The following GRIP1 variants were observed in gnomAD, a reference collection of about 807,000 sequenced individuals.
GRIP1 encodes glutamate receptor-interacting protein 1.
A neutral mutation model predicts 129.9 loss-of-function variants in GRIP1; 45 were observed. The observed-to-expected ratio is 0.35, with a 90% confidence interval of 0.27 to 0.44. GRIP1 has a LOEUF of 0.44. Ranked by LOEUF, GRIP1 falls within the 20% of genes least tolerant of loss-of-function variation. GRIP1 has a pLI of 1.00. For synonymous variants in GRIP1, 530 were observed against 520.8 expected (o/e 1.02, Z -0.24); for missense variants, 1,196 against 1,396.8 (o/e 0.86, Z 2.29).
chr12:66,549,499 C>T (rs563740579), intron 2 of GRIP1, among the ~76,000 whole-genome samples: 1 of 152,236 alleles, frequency 6.6e-6, no homozygotes, highest in Admixed American at 6.5e-5. Flanking sequence ...GGTGGTGCCA[C>T]TAGGAAGTTT....
rs750518554 is a variant in GRIP1 at position 66,371,689 on chromosome 12, C to T, written c.3012+5G>A. The T allele has an allele frequency of 1.1e-5, 18 of 1,587,738 alleles. No individual in the cohort carries two copies. In the Admixed American group the frequency reaches 2.0e-4, roughly 18 times the overall value. ...CCCTAGGGAAAGAAGAGAAAGCTTA[C>T]TGACCTTGTGCAGCTCCACAGGAGT... is the stretch of plus-strand genomic sequence containing the variant. On this transcript the variant is annotated splice_donor_5th_base_variant and intron_variant, in intron 23 of 24. Coordinates refer to ENST00000359742, the MANE Select transcript of GRIP1 (RefSeq NM_001366722.1).
At chr12:66,831,787 A>G (rs548632481) in intron 1 of GRIP1, among the ~76,000 whole-genome samples, 2 of 152,300 alleles carry the variant, frequency 1.3e-5, no homozygotes, top group East Asian at 3.9e-4. Context: ...TTTCTAAGTT[A>G]CTTAATCTCC....
At position 66,444,608 on chromosome 12, in the gene GRIP1, G is replaced by C; in HGVS notation, c.1663C>G (p.Leu555Val). The C allele has an allele frequency of 6.2e-7, 1 of 1,613,700 alleles. No individual in the cohort carries two copies. Among genetic ancestry groups the C allele is most frequent in the Non-Finnish European group, 8.5e-7 (1 of 1,179,944 alleles). The change falls in exon 13 of 25, where the codon CTG (leucine) becomes GTG (valine). Residue 555 changes from leucine to valine, a missense_variant. Coordinates refer to ENST00000359742, the MANE Select transcript of GRIP1 (RefSeq NM_001366722.1). ...CCTGCAACATCAAACTCGATTTCCAGTGTGACCTTGCTCGTGATTGAAGAG... is the reference window on the plus strand; with the variant it reads ...CCTGCAACATCAAACTCGATTTCCACTGTGACCTTGCTCGTGATTGAAGAG... ...RDSSITSKVT[L>V]EIEFDVAESV...
At chr12:66,998,686 T>C (rs2042505313) in intron 1 of GRIP1, among the ~76,000 whole-genome samples, 1 of 152,184 alleles carries the variant, frequency 6.6e-6, no homozygotes, top group Non-Finnish European at 1.5e-5. Context: ...GGAATCTATC[T>C]GCATCAGATC....
At chr12:66,854,785 CTT>C (rs533300127) in intron 1 of GRIP1, among the ~76,000 whole-genome samples, 2 of 152,052 alleles carry the variant, frequency 1.3e-5, no homozygotes, top group African/African-American at 4.8e-5. Flanking sequence ...CATGGATGCT[CTT>C]ATAAATTAAG....
intron 1 of GRIP1, among the ~76,000 whole-genome samples, chr12:66,629,791 C>A (rs1460530917): frequency 6.6e-6 from 1 of 152,146 alleles, no homozygotes; most frequent in Non-Finnish European, 1.5e-5. Flanking sequence ...AGAATACTAA[C>A]CCATTCATCT....
At chr12:66,527,376 G>A (rs963795648) in intron 5 of GRIP1, among the ~76,000 whole-genome samples, 2 of 152,032 alleles carry the variant, frequency 1.3e-5, no homozygotes, top group African/African-American at 4.8e-5. Flanking sequence ...GTCCTTTATA[G>A]GGACATGGAT....
intron 1 of GRIP1, among the ~76,000 whole-genome samples, chr12:66,761,650 T>C (rs17102879): frequency 0.013 from 1,992 of 152,306 alleles, 52 homozygotes; most frequent in African/African-American, 0.046. Context: ...TATTTCATAT[T>C]GACCTGTGCC....
At position 66,406,419 on chromosome 12, in the gene GRIP1, G is replaced by A. The variant is rs1378588910; in HGVS notation, c.1848C>T (p.Thr616=). 1.9e-6 allele frequency: 3 copies of A among 1,613,950 alleles called. No homozygotes were observed. In the East Asian group the frequency reaches 6.7e-5, roughly 36 times the overall value. ...CGAGCAATTTATCCCCAAGTTCCAGGGTCCCAGTTCTGTTAGTGAATGCAA... is the reference window on the plus strand; with the variant it reads ...CGAGCAATTTATCCCCAAGTTCCAGAGTCCCAGTTCTGTTAGTGAATGCAA... ...KKGSVAHRTG[T]LELGDKLLAI... The change falls in exon 16 of 25, where the codon ACC becomes ACT. Residue 616 remains threonine (T), a synonymous_variant. Coordinates refer to ENST00000359742, the MANE Select transcript of GRIP1 (RefSeq NM_001366722.1).
intron 1 of GRIP1, among the ~76,000 whole-genome samples, chr12:66,661,616 C>T (rs1323695849): frequency 6.6e-6 from 1 of 152,070 alleles, no homozygotes; most frequent in East Asian, 1.9e-4. Context: ...CACCATGTAA[C>T]ACATATCTTA....
intron 1 of GRIP1, among the ~76,000 whole-genome samples, chr12:66,886,106 A>G (rs189375333): frequency 5.3e-5 from 8 of 152,216 alleles, no homozygotes; most frequent in African/African-American, 1.4e-4. Context: ...TCTACTAAAA[A>G]TACAAACAAA....
At chr12:66,975,325 T>C (rs2042135653) in intron 1 of GRIP1, among the ~76,000 whole-genome samples, 1 of 152,210 alleles carries the variant, frequency 6.6e-6, no homozygotes, top group Non-Finnish European at 1.5e-5. Context: ...TATCTAAAAT[T>C]GTAAACAAAG....
At chr12:66,854,187 G>A (rs1308516681) in intron 1 of GRIP1, among the ~76,000 whole-genome samples, 2 of 151,960 alleles carry the variant, frequency 1.3e-5, no homozygotes, top group Non-Finnish European at 2.9e-5. Flanking sequence ...AAATGAAAAC[G>A]TGCGACAAGA....
chr12:66,984,750 G>A (rs1424500584), intron 1 of GRIP1, among the ~76,000 whole-genome samples: 1 of 152,144 alleles, frequency 6.6e-6, no homozygotes, highest in African/African-American at 2.4e-5. Context: ...TTCTTCTCTA[G>A]TGTGCTCAGT....
chr12:66,750,709 T>C (rs2037099401), intron 1 of GRIP1, among the ~76,000 whole-genome samples: 1 of 152,164 alleles, frequency 6.6e-6, no homozygotes, highest in Admixed American at 6.6e-5. Flanking sequence ...ATAAATCTGT[T>C]ACATTAGAGG....
chr12:66,745,795 G>A (rs1281510928), intron 1 of GRIP1, among the ~76,000 whole-genome samples: 1 of 152,086 alleles, frequency 6.6e-6, no homozygotes, highest in Non-Finnish European at 1.5e-5. Flanking sequence ...TTAGAAGCAG[G>A]GCACAGAGGT....
intron 1 of GRIP1, among the ~76,000 whole-genome samples, chr12:66,843,590 G>A (rs999978424): frequency 1.3e-5 from 2 of 152,018 alleles, no homozygotes; most frequent in African/African-American, 4.8e-5. Flanking sequence ...TCAAAACAGT[G>A]CTAGCATAAA....
intron 1 of GRIP1, among the ~76,000 whole-genome samples, chr12:66,985,326 T>C (rs1026817746): frequency 2.2e-4 from 33 of 151,574 alleles, no homozygotes; most frequent in African/African-American, 6.8e-4. Context: ...CGATATATTG[T>C]GGCAGCTACC....
chr12:66,416,453 G>T (rs377624902), intron 15 of GRIP1, among the ~76,000 whole-genome samples: 2 of 151,962 alleles, frequency 1.3e-5, no homozygotes, highest in East Asian at 1.9e-4. Context: ...ACAATGCAAA[G>T]ATCAATGAAA....
Sources: allele counts gnomAD v4.1 joint callset (sites outside exome capture counted in the v4.1 genomes callset), GRCh38; gene constraint gnomAD v4.1.1; transcripts MANE v1.5; gene names NCBI Gene and HGNC (gene_info 2026-07-23, HGNC 2026-07-21).